COL18A1: variants seen among roughly 807,000 people sequenced by gnomAD.
COL18A1 encodes collagen alpha-1(XVIII) chain.
COL18A1 carries 133 observed loss-of-function variants against 168.0 expected under a neutral mutation model. That is an observed-to-expected ratio of 0.79 (90% confidence interval 0.69 to 0.91). COL18A1 has a LOEUF of 0.91. Among genes scored for constraint, COL18A1 ranks in the 40% least tolerant of loss-of-function variants. COL18A1 has a pLI of 0.00. For missense variants in COL18A1, 2,126 were observed against 1,925.4 expected (o/e 1.10, Z -1.95); for synonymous variants, 949 against 809.0 (o/e 1.17, Z -2.94).
At chr21:45,422,908 C>T (rs1482787815) in intron 2 of COL18A1, among the ~76,000 whole-genome samples, 2 of 152,142 alleles carry the variant, frequency 1.3e-5, no homozygotes, top group Non-Finnish European at 2.9e-5. Context: ...CTGCCTCAGC[C>T]TCCCGAGTAG....
chr21:45,490,818 T>C lies in COL18A1; in HGVS notation c.2032-18T>C. On this transcript the variant is annotated intron_variant, in intron 20 of 41. Coordinates refer to ENST00000651438, the MANE Select transcript of COL18A1 (RefSeq NM_001379500.1). The stretch of plus-strand genomic sequence containing the variant: ...CTGTTTCTGTTGGTGATGAACCATT[T>C]CCTTCCTGTCTCTCCAGGGGCCAAA... The C allele has an allele frequency of 1.3e-6, 2 of 1,549,898 alleles. No individual in the cohort carries two copies. The highest frequency in any genetic ancestry group is 1.7e-6 in the Non-Finnish European group (2 of 1,146,630).
intron 38 of COL18A1, among the ~76,000 whole-genome samples, chr21:45,508,582 C>T (rs1320768520): frequency 2.0e-5 from 3 of 151,886 alleles, no homozygotes; most frequent in African/African-American, 4.9e-5. Flanking sequence ...CGTCCAGCTG[C>T]TGTCGGCCCC....
intron 2 of COL18A1, among the ~76,000 whole-genome samples, chr21:45,445,836 C>G (rs75972622): frequency 6.6e-6 from 1 of 152,150 alleles, no homozygotes; most frequent in African/African-American, 2.4e-5. Context: ...TTTACATCAT[C>G]TAGATAGAAG....
At position 45,493,546 on chromosome 21, in the gene COL18A1, G is replaced by T. The variant is rs763734805; in HGVS notation, c.2323G>T (p.Ala775Ser). The T allele has an allele frequency of 5.1e-6, 8 of 1,558,110 alleles. No homozygotes were observed. In the East Asian group the frequency reaches 1.4e-4, roughly 28 times the overall value. Residue 775 changes from alanine (A) to serine (S), a missense_variant, in exon 26 of 42, where the codon GCC becomes TCC. Ala to Ser is a moderately conservative substitution (Grantham distance 99, BLOSUM62 1). Transcript: ENST00000651438. Reference sequence around the variant, plus strand: ...CAGCATCTTCAGCCCCGACGGCGGTGCCCTGGGCCCTGCCCAGAAAGGAGC... The same window carrying T: ...CAGCATCTTCAGCCCCGACGGCGGTTCCCTGGGCCCTGCCCAGAAAGGAGC... ...PGSIFSPDGG[A>S]LGPAQKGAKG...
intron 29 of COL18A1, chr21:45,495,662 G>T: frequency 1.8e-6 from 1 of 543,194 alleles, no homozygotes; most frequent in Non-Finnish European, 3.4e-6. Flanking sequence ...ATACATGTGT[G>T]CACATATACA....
intron 2 of COL18A1, among the ~76,000 whole-genome samples, chr21:45,437,138 CCA>C (rs1166403694): frequency 9.1e-6 from 1 of 109,904 alleles, no homozygotes; most frequent in South Asian, 2.9e-4. Flanking sequence ...CAGGCACTCT[CCA>C]CACACACTCA....
At chr21:45,492,512 T>C (rs2036386815) in intron 22 of COL18A1, 23 bp from the exon 23 acceptor site, 2 of 1,613,356 alleles carry the variant, frequency 1.2e-6, no homozygotes, top group Admixed American at 3.3e-5. Flanking sequence ...TTGTTTCCGA[T>C]TTTTCCTTTT....
At chr21:45,455,117 G>T (rs1221940599) in intron 2 of COL18A1, among the ~76,000 whole-genome samples, 1 of 152,258 alleles carries the variant, frequency 6.6e-6, no homozygotes, top group Admixed American at 6.5e-5. Context: ...GGGCGTTCCA[G>T]GTCAGAGGGG....
chr21:45,430,023 C>T (rs1228385384), intron 2 of COL18A1, among the ~76,000 whole-genome samples: 7 of 137,914 alleles, frequency 5.1e-5, no homozygotes, highest in Non-Finnish European at 1.1e-4. Flanking sequence ...TTTTGGGGCC[C>T]CCCGTCTCCC....
intron 32 of COL18A1, among the ~76,000 whole-genome samples, chr21:45,503,176 C>T (rs1268709319): frequency 6.6e-6 from 1 of 152,196 alleles, no homozygotes; most frequent in Non-Finnish European, 1.5e-5. Flanking sequence ...AACTAGTTTA[C>T]AGTCCCACCA....
At chr21:45,451,315 G>T (rs1018000547) in intron 2 of COL18A1, among the ~76,000 whole-genome samples, 8 of 152,234 alleles carry the variant, frequency 5.3e-5, no homozygotes, top group Non-Finnish European at 1.2e-4. Flanking sequence ...AACTCCACAC[G>T]CACTGGGACA....
At chr21:45,438,120 G>A (rs1186516805) in intron 2 of COL18A1, among the ~76,000 whole-genome samples, 2 of 77,664 alleles carry the variant, frequency 2.6e-5, no homozygotes, top group African/African-American at 6.7e-5. Context: ...AGACACACAG[G>A]CACTCTCCTG....
At chr21:45,482,123 C>T in intron 14 of COL18A1, 98 bp downstream of exon 14, 2 of 904,482 alleles carry the variant, frequency 2.2e-6, no homozygotes, top group Non-Finnish European at 3.6e-6. Flanking sequence ...GGGGAAATGC[C>T]AGGAATAGCC....
At chr21:45,431,872 G>A (rs1182807409) in intron 2 of COL18A1, among the ~76,000 whole-genome samples, 1 of 152,166 alleles carries the variant, frequency 6.6e-6, no homozygotes, top group Non-Finnish European at 1.5e-5. Flanking sequence ...GCGGGTGAGT[G>A]GGTGGGTGGT....
At position 45,507,159 on chromosome 21, in the gene COL18A1, CGGGTGTTGGGG is replaced by C. The variant is rs2037259539; in HGVS notation, c.3217-401_3217-391del. Reference sequence around the variant, plus strand: ...GCACCCTCCTGTGGGCTGGGAGGGCCGGGTGTTGGGGAGGGAGAGGCGGGTGCTGGGCAGGG... The same window carrying C: ...GCACCCTCCTGTGGGCTGGGAGGGCCAGGGAGAGGCGGGTGCTGGGCAGGG... On this transcript the variant is annotated intron_variant, in intron 37 of 41. Coordinates refer to ENST00000651438, the MANE Select transcript of COL18A1 (RefSeq NM_001379500.1). 6.6e-5 allele frequency: 9 copies of C among 135,430 alleles called. 1 individual carries two copies. The highest frequency in any genetic ancestry group is 1.2e-4 in the Non-Finnish European group (9 of 77,526). 8.4% of individuals were successfully genotyped at this position (135,430 alleles called of 1,614,324 possible). A position where few individuals can be genotyped will look rare whatever the true frequency, so the allele number is the denominator to read the frequency against.
At chr21:45,460,391 C>T (rs1312842967) in intron 2 of COL18A1, among the ~76,000 whole-genome samples, 3 of 152,206 alleles carry the variant, frequency 2.0e-5, no homozygotes, top group South Asian at 4.1e-4. Flanking sequence ...CTCAAATGCA[C>T]GAGTCCCGTG....
chr21:45,458,946 G>A (rs1367364323), intron 2 of COL18A1, among the ~76,000 whole-genome samples: 2 of 152,228 alleles, frequency 1.3e-5, no homozygotes, highest in African/African-American at 2.4e-5. Flanking sequence ...CTGTGAGGGC[G>A]AGGAATTTCT....
At chr21:45,464,425 G>A (rs1020219617) in intron 2 of COL18A1, among the ~76,000 whole-genome samples, 4 of 152,124 alleles carry the variant, frequency 2.6e-5, no homozygotes, top group African/African-American at 4.8e-5. Flanking sequence ...CACTAACCAC[G>A]GCCACCTGCA....
At chr21:45,505,794 G>A (rs753521473) in intron 36 of COL18A1, 44 bp from the exon 37 acceptor site, 46 of 639,594 alleles carry the variant, frequency 7.2e-5, no homozygotes, top group Middle Eastern at 1.0e-3. Flanking sequence ...CCTGCCCCCC[G>A]CCCTCCCCGC....
Sources: allele counts gnomAD v4.1 joint callset (sites outside exome capture counted in the v4.1 genomes callset), GRCh38; gene constraint gnomAD v4.1.1; transcripts MANE v1.5; gene names NCBI Gene and HGNC (gene_info 2026-07-23, HGNC 2026-07-21).